SNTG1: variants seen among roughly 807,000 people sequenced by gnomAD.
SNTG1 encodes gamma-1-syntrophin.
SNTG1 carries 39 observed loss-of-function variants against 74.7 expected under a neutral mutation model. The observed-to-expected ratio is 0.52, with a 90% CI of 0.40 to 0.68. SNTG1 has a LOEUF of 0.68. SNTG1 is among the 30% of genes least tolerant of loss of function. The pLI is 0.00. For missense variants in SNTG1, 685 were observed against 609.5 expected, an observed-to-expected ratio of 1.12 and a Z score of -1.30; for synonymous variants, 254 against 217.1, an observed-to-expected ratio of 1.17 and a Z score of -1.49.
chr8:50,343,140 G>A (rs778361045), intron 2 of SNTG1, among the ~76,000 whole-genome samples: 4 of 152,038 alleles, frequency 2.6e-5, no homozygotes, highest in Admixed American at 1.3e-4. Context: ...GATTTATGTC[G>A]CTCATAGGAA....
intron 1 of SNTG1, among the ~76,000 whole-genome samples, chr8:50,083,439 T>C (rs578072858): frequency 6.6e-6 from 1 of 152,336 alleles, no homozygotes; most frequent in South Asian, 2.1e-4. Flanking sequence ...TTGTGATGGA[T>C]ACATTTAATC....
chr8:50,557,251 C>T (rs181322411), intron 12 of SNTG1, among the ~76,000 whole-genome samples: 1 of 151,424 alleles, frequency 6.6e-6, no homozygotes, highest in East Asian at 1.9e-4. Flanking sequence ...GGATGAAGAC[C>T]CAGCTATGCC....
At chr8:50,576,124 G>A (rs1033728624) in intron 12 of SNTG1, among the ~76,000 whole-genome samples, 1 of 152,126 alleles carries the variant, frequency 6.6e-6, no homozygotes, top group Non-Finnish European at 1.5e-5. Context: ...ACAGCTTTAT[G>A]TCTTATGCTC....
chr8:50,076,996 T>A (rs1486451871), intron 1 of SNTG1, among the ~76,000 whole-genome samples: 1 of 152,196 alleles, frequency 6.6e-6, no homozygotes. Context: ...GTACAATGGA[T>A]ACTATTTTTC....
intron 8 of SNTG1, among the ~76,000 whole-genome samples, chr8:50,484,159 TC>T: frequency 1.5e-5 from 1 of 68,634 alleles, no homozygotes; most frequent in African/African-American, 4.7e-5. Flanking sequence ...TTTCCTTCCT[TC>T]CTTCCTTCCT....
At chr8:50,368,019 G>T (rs956772961) in intron 2 of SNTG1, among the ~76,000 whole-genome samples, 2 of 152,160 alleles carry the variant, frequency 1.3e-5, no homozygotes, top group Non-Finnish European at 2.9e-5. Flanking sequence ...TAGAAACGTG[G>T]ACATTAAAGG....
intron 4 of SNTG1, among the ~76,000 whole-genome samples, chr8:50,423,058 T>A (rs977340197): frequency 6.6e-6 from 1 of 152,158 alleles, no homozygotes; most frequent in African/African-American, 2.4e-5. Flanking sequence ...ACTGATACAG[T>A]TTTTGCAAAG....
chr8:50,170,062 A>G (rs28664922), intron 1 of SNTG1, among the ~76,000 whole-genome samples: 1 of 152,266 alleles, frequency 6.6e-6, no homozygotes, highest in East Asian at 1.9e-4. Flanking sequence ...TTTGCTCTTC[A>G]TATTTGCACC....
intron 4 of SNTG1, among the ~76,000 whole-genome samples, chr8:50,404,226 T>C (rs2092841649): frequency 6.6e-6 from 1 of 152,156 alleles, no homozygotes; most frequent in South Asian, 2.1e-4. Context: ...AAAAGATGTA[T>C]ATGATCTCTA....
In SNTG1 at chr8:50,148,860, C is replaced by T. The variant is rs187393167; in HGVS notation, c.-102-23701C>T. On this transcript the variant is annotated intron_variant, in intron 1 of 18. Transcript: ENST00000642720. The stretch of plus-strand genomic sequence containing the variant: ...TGTGAATAGTGCTGCAATAAACATA[C>T]GTGTGCATGTGCCTTGATAGCAGCA... Among the ~76,000 whole-genome samples the T allele has an allele frequency of 1.6e-4, 24 of 152,234 alleles. No homozygotes were observed. In the East Asian group the frequency reaches 3.3e-3, roughly 21 times the overall value.
intron 2 of SNTG1, among the ~76,000 whole-genome samples, chr8:50,339,095 G>T (rs2091240434): frequency 6.6e-6 from 1 of 152,080 alleles, no homozygotes; most frequent in Non-Finnish European, 1.5e-5. Flanking sequence ...GAATTACATT[G>T]GACTTCTCTT....
At chr8:50,655,064 T>A (rs1285244492) in intron 13 of SNTG1, among the ~76,000 whole-genome samples, 5 of 152,172 alleles carry the variant, frequency 3.3e-5, no homozygotes, top group Non-Finnish European at 5.9e-5. Context: ...CTCTCTCAAT[T>A]TTCATATTCC....
chr8:50,167,481 T>A (rs2082661741), intron 1 of SNTG1, among the ~76,000 whole-genome samples: 1 of 151,608 alleles, frequency 6.6e-6, no homozygotes, highest in South Asian at 2.1e-4. Context: ...TGGACCGTGA[T>A]TATATGTAAT....
intron 16 of SNTG1, among the ~76,000 whole-genome samples, chr8:50,706,965 A>G (rs998473522): frequency 2.6e-5 from 4 of 152,050 alleles, no homozygotes; most frequent in African/African-American, 9.7e-5. Context: ...TAATTTATGT[A>G]TTGATTTTTC....
chr8:50,597,978 T>G (rs1030692337), intron 13 of SNTG1, among the ~76,000 whole-genome samples: 3 of 151,960 alleles, frequency 2.0e-5, no homozygotes, highest in African/African-American at 7.2e-5. Context: ...TGTCTGTGAG[T>G]TGTCTCTTCA....
intron 13 of SNTG1, among the ~76,000 whole-genome samples, chr8:50,653,265 A>G (rs1455733524): frequency 6.6e-6 from 1 of 151,968 alleles, no homozygotes; most frequent in Non-Finnish European, 1.5e-5. Flanking sequence ...GCAACATAGC[A>G]AAACTCCGTC....
intron 15 of SNTG1, among the ~76,000 whole-genome samples, chr8:50,700,261 CT>C (rs1444976211): frequency 6.6e-6 from 1 of 152,098 alleles, no homozygotes; most frequent in East Asian, 1.9e-4. Context: ...TATATTATTA[CT>C]TGCATATAAC....
intron 4 of SNTG1, among the ~76,000 whole-genome samples, chr8:50,432,380 C>T (rs1285987124): frequency 6.6e-6 from 1 of 151,728 alleles, no homozygotes; most frequent in East Asian, 1.9e-4. Context: ...GGTCTAAATG[C>T]TTTTTCTGTC....
rs78764198 is a variant in SNTG1, at chr8:50,614,505, A to T, written c.849+23588A>T. 5.0e-3 allele frequency among the ~76,000 whole-genome samples: 759 copies of T among 152,172 alleles called. 6 individuals carry two copies. Among genetic ancestry groups the T allele is most frequent in the African/African-American group, 0.017 (709 of 41,574 alleles). On this transcript the variant is annotated intron_variant, in intron 13 of 18. Coordinates refer to ENST00000642720, the MANE Select transcript of SNTG1 (RefSeq NM_018967.5). ...AATTGGATATCTAATGGTAGATTTAATTGGAGTATGTTGTGACAAATTGAC... is the reference window on the plus strand; with the variant it reads ...AATTGGATATCTAATGGTAGATTTATTTGGAGTATGTTGTGACAAATTGAC...
Sources: allele counts gnomAD v4.1 joint callset (sites outside exome capture counted in the v4.1 genomes callset), GRCh38; gene constraint gnomAD v4.1.1; transcripts MANE v1.5; gene names NCBI Gene and HGNC (gene_info 2026-07-23, HGNC 2026-07-21).